The following KCNIP4 variants were observed in gnomAD, a reference collection of about 807,000 sequenced individuals.
KCNIP4 encodes the protein Kv channel-interacting protein 4.
A neutral mutation model predicts 34.0 loss-of-function variants in KCNIP4; 12 were observed. The observed-to-expected ratio is 0.35, with a 90% CI of 0.23 to 0.57. The LOEUF (loss-of-function observed/expected upper bound fraction) is 0.57. KCNIP4 is among the 20% of genes least tolerant of loss of function. KCNIP4 has a pLI of 0.83. For missense variants in KCNIP4, 238 were observed against 311.7 expected (o/e 0.76, Z 1.78); for synonymous variants, 124 against 102.2 (o/e 1.21, Z -1.29).
intron 1 of KCNIP4, among the ~76,000 whole-genome samples, chr4:21,663,118 A>C (rs1560604698): frequency 6.6e-6 from 1 of 152,228 alleles, no homozygotes; most frequent in Non-Finnish European, 1.5e-5. Flanking sequence ...AAATAATTGT[A>C]AATCAGTTTT....
chr4:20,859,863 AAAC>A (rs1722007223), intron 2 of KCNIP4, among the ~76,000 whole-genome samples: 1 of 152,192 alleles, frequency 6.6e-6, no homozygotes, highest in Non-Finnish European at 1.5e-5. Flanking sequence ...CTAATGCAGA[AAAC>A]AAATAATATT....
chr4:21,073,285 A>G (rs1745151453), intron 1 of KCNIP4, among the ~76,000 whole-genome samples: 2 of 152,164 alleles, frequency 1.3e-5, no homozygotes, highest in South Asian at 2.1e-4. Context: ...TGAGCATGGA[A>G]TGTTCTTCCA....
intron 1 of KCNIP4, among the ~76,000 whole-genome samples, chr4:21,751,948 C>T (rs1717176089): frequency 6.6e-6 from 1 of 152,186 alleles, no homozygotes; most frequent in African/African-American, 2.4e-5. Flanking sequence ...AACTGTCTTT[C>T]TACTGTTCTG....
intron 3 of KCNIP4, among the ~76,000 whole-genome samples, chr4:20,809,618 C>T (rs1243104640): frequency 1.3e-5 from 2 of 152,128 alleles, no homozygotes; most frequent in Non-Finnish European, 1.5e-5. Flanking sequence ...CCATCAACTG[C>T]GTTATCAGGA....
chr4:21,041,369 A>G (rs1010803979), intron 1 of KCNIP4, among the ~76,000 whole-genome samples: 5 of 152,088 alleles, frequency 3.3e-5, no homozygotes, highest in Non-Finnish European at 7.3e-5. Context: ...TGTGCACTCT[A>G]TCTGCTTTCC....
chr4:21,117,326 T>G (rs1749784860), intron 1 of KCNIP4, among the ~76,000 whole-genome samples: 1 of 145,662 alleles, frequency 6.9e-6, no homozygotes, highest in Admixed American at 6.9e-5. Flanking sequence ...GGGGCGCTGT[T>G]TTTCATCTTC....
chr4:21,185,131 T>A (rs1346195778), intron 1 of KCNIP4, among the ~76,000 whole-genome samples: 1 of 152,226 alleles, frequency 6.6e-6, no homozygotes, highest in East Asian at 1.9e-4. Flanking sequence ...TTTAGACTTT[T>A]AAAACAATGT....
chr4:20,996,533 GTGA>G (rs1207779159), intron 1 of KCNIP4, among the ~76,000 whole-genome samples: 2 of 152,080 alleles, frequency 1.3e-5, no homozygotes, highest in Non-Finnish European at 1.5e-5. Context: ...TGATCCCCAT[GTGA>G]TGTTCTTTAC....
At chr4:21,596,812 G>T (rs1742683785) in intron 1 of KCNIP4, among the ~76,000 whole-genome samples, 1 of 152,012 alleles carries the variant, frequency 6.6e-6, no homozygotes, top group African/African-American at 2.4e-5. Flanking sequence ...CAGGTACCAG[G>T]TGTGGAGCTA....
At chr4:21,735,657 C>A (rs930980884) in intron 1 of KCNIP4, among the ~76,000 whole-genome samples, 4 of 152,128 alleles carry the variant, frequency 2.6e-5, no homozygotes, top group African/African-American at 7.2e-5. Context: ...TTGTTAAACA[C>A]ATAGCATGCC....
At chr4:21,763,313 T>C (rs1250278098) in intron 1 of KCNIP4, among the ~76,000 whole-genome samples, 1 of 152,196 alleles carries the variant, frequency 6.6e-6, no homozygotes, top group Admixed American at 6.6e-5. Flanking sequence ...ATTATGGTTA[T>C]ATACATAGAG....
At chr4:21,672,882 C>T (rs1026353338) in intron 1 of KCNIP4, among the ~76,000 whole-genome samples, 11 of 152,214 alleles carry the variant, frequency 7.2e-5, no homozygotes, top group African/African-American at 2.4e-4. Flanking sequence ...GGGAGATCTG[C>T]TGCCATCATG....
At chr4:21,134,069 T>C (rs897231074) in intron 1 of KCNIP4, among the ~76,000 whole-genome samples, 1 of 152,222 alleles carries the variant, frequency 6.6e-6, no homozygotes, top group South Asian at 2.1e-4. Context: ...CTAACTTGAG[T>C]TCTCAAAATG....
intron 1 of KCNIP4, among the ~76,000 whole-genome samples, chr4:21,780,252 A>G (rs1719493832): frequency 6.6e-6 from 1 of 152,202 alleles, no homozygotes; most frequent in African/African-American, 2.4e-5. Context: ...TGCAGGCAGT[A>G]CAACACCAGG....
intron 1 of KCNIP4, among the ~76,000 whole-genome samples, chr4:21,267,888 C>G (rs1761913648): frequency 6.6e-6 from 1 of 151,220 alleles, no homozygotes; most frequent in African/African-American, 2.4e-5. Flanking sequence ...AGGATTCCCT[C>G]TTTTTCTATT....
chr4:21,244,766 C>T (rs1293089408), intron 1 of KCNIP4, among the ~76,000 whole-genome samples: 1 of 152,140 alleles, frequency 6.6e-6, no homozygotes, highest in Non-Finnish European at 1.5e-5. Flanking sequence ...TTAAAATGCA[C>T]ATTTAAATGA....
At chr4:20,852,204 G>T (rs929171981) in intron 2 of KCNIP4, among the ~76,000 whole-genome samples, 10 of 152,208 alleles carry the variant, frequency 6.6e-5, no homozygotes, top group Admixed American at 3.3e-4. Context: ...TATCCTTGAT[G>T]AACATAGATG....
chr4:21,142,477 T>G (rs961430809), intron 1 of KCNIP4, among the ~76,000 whole-genome samples: 2 of 152,256 alleles, frequency 1.3e-5, no homozygotes, highest in Non-Finnish European at 2.9e-5. Context: ...TTCTTTGACT[T>G]TAGCTATTCT....
At chr4:21,679,877 G>A (rs1456508625) in intron 1 of KCNIP4, among the ~76,000 whole-genome samples, 1 of 152,158 alleles carries the variant, frequency 6.6e-6, no homozygotes, top group East Asian at 1.9e-4. Flanking sequence ...GCTAAAAAAT[G>A]CTAACTATCA....
Sources: allele counts gnomAD v4.1 joint callset (sites outside exome capture counted in the v4.1 genomes callset), GRCh38; gene constraint gnomAD v4.1.1; transcripts MANE v1.5; gene names NCBI Gene and HGNC (gene_info 2026-07-23, HGNC 2026-07-21).